GRK3: variants seen among roughly 807,000 people sequenced by gnomAD.
GRK3 encodes adrenergic, beta, receptor kinase 2.
GRK3 carries 54 observed loss-of-function variants against 95.7 expected under a neutral mutation model. That is an observed-to-expected ratio of 0.56 (90% CI 0.45 to 0.71). The LOEUF (loss-of-function observed/expected upper bound fraction) is 0.71, where lower values mean the gene tolerates loss of function less well. Ranked by LOEUF, GRK3 falls within the 30% of genes least tolerant of loss-of-function variation. The pLI, the probability that GRK3 is intolerant of heterozygous loss-of-function variation, is 0.00. For missense variants in GRK3, 649 were observed against 851.2 expected (o/e 0.76, Z 2.96); for synonymous variants, 281 against 290.8 (o/e 0.97, Z 0.34).
At chr22:25,597,789 C>G (rs2084381936) in intron 1 of GRK3, among the ~76,000 whole-genome samples, 1 of 152,110 alleles carries the variant, frequency 6.6e-6, no homozygotes, top group Non-Finnish European at 1.5e-5. Context: ...CTTATATAAC[C>G]TATGCACGCA....
At chr22:25,578,186 A>T (rs1931973015) in intron 1 of GRK3, among the ~76,000 whole-genome samples, 1 of 152,172 alleles carries the variant, frequency 6.6e-6, no homozygotes, top group Non-Finnish European at 1.5e-5. Context: ...CTTTAAAAAA[A>T]TCGAAGAAAC....
chr22:25,614,438 A>G (rs1045315257), intron 2 of GRK3, among the ~76,000 whole-genome samples: 3 of 152,122 alleles, frequency 2.0e-5, no homozygotes, highest in African/African-American at 7.2e-5. Flanking sequence ...TCGGCCATCT[A>G]TTATCTGCTA....
chr22:25,596,204 A>T (rs1456512215), intron 1 of GRK3, among the ~76,000 whole-genome samples: 1 of 152,226 alleles, frequency 6.6e-6, no homozygotes, highest in African/African-American at 2.4e-5. Flanking sequence ...AAGAGTATTC[A>T]TGGGGAAAAA....
chr22:25,588,050 C>T (rs1431464789), intron 1 of GRK3, among the ~76,000 whole-genome samples: 10 of 152,146 alleles, frequency 6.6e-5, no homozygotes, highest in South Asian at 2.1e-4. Context: ...CCACCTGCCT[C>T]GGCCCCTCAA....
chr22:25,698,620 C>T (rs1376535281), intron 13 of GRK3, among the ~76,000 whole-genome samples: 1 of 152,162 alleles, frequency 6.6e-6, no homozygotes, highest in African/African-American at 2.4e-5. Flanking sequence ...GTTGGGTCAG[C>T]ACTGGGAGGA....
At chr22:25,698,229 A>G (rs1437969073) in intron 13 of GRK3, among the ~76,000 whole-genome samples, 1 of 149,228 alleles carries the variant, frequency 6.7e-6, no homozygotes, top group Non-Finnish European at 1.5e-5. Flanking sequence ...AGGAAGGAAG[A>G]AGAGGGAAGA....
At chr22:25,590,894 G>A (rs1932467654) in intron 1 of GRK3, among the ~76,000 whole-genome samples, 1 of 152,190 alleles carries the variant, frequency 6.6e-6, no homozygotes, top group Non-Finnish European at 1.5e-5. Flanking sequence ...GCACAGTTTG[G>A]TGAGTTTATC....
intron 9 of GRK3, among the ~76,000 whole-genome samples, chr22:25,683,714 G>T (rs1417482365): frequency 6.6e-6 from 1 of 151,916 alleles, no homozygotes; most frequent in Non-Finnish European, 1.5e-5. Context: ...TTTTTCTGGG[G>T]GTTGGTTGAC....
intron 15 of GRK3, among the ~76,000 whole-genome samples, chr22:25,707,131 G>C (rs1414722638): frequency 2.0e-5 from 3 of 152,114 alleles, no homozygotes; most frequent in African/African-American, 7.2e-5. Flanking sequence ...CCTGTGGTGG[G>C]TTTATATCTC....
At chr22:25,655,749 C>G (rs891528725) in intron 3 of GRK3, among the ~76,000 whole-genome samples, 1 of 152,164 alleles carries the variant, frequency 6.6e-6, no homozygotes, top group African/African-American at 2.4e-5. Context: ...CTTACAAATG[C>G]AGACACTGTC....
intron 1 of GRK3, 21 bp downstream of exon 1, chr22:25,565,174 C>A: frequency 7.1e-7 from 1 of 1,404,476 alleles, no homozygotes; most frequent in Non-Finnish European, 9.5e-7. Flanking sequence ...CCCCGGCCGG[C>A]GCCGGCCCCA....
chr22:25,702,326 G>A (rs976848202), intron 13 of GRK3, among the ~76,000 whole-genome samples: 1 of 152,218 alleles, frequency 6.6e-6, no homozygotes, highest in African/African-American at 2.4e-5. Flanking sequence ...TGCAAGATAA[G>A]TGGCATTTTA....
At chr22:25,673,429 T>G (rs1428493597) in intron 7 of GRK3, among the ~76,000 whole-genome samples, 1 of 152,074 alleles carries the variant, frequency 6.6e-6, no homozygotes, top group Non-Finnish European at 1.5e-5. Flanking sequence ...ATTTTTTTTT[T>G]TTTCAATTTC....
At position 25,728,411 on chromosome 22, in the gene GRK3, C is replaced by T. The variant is rs2085491102; in HGVS notation, c.*5961C>T. ...TCTGTAAGACTTTGCAGTGTCATTC[C>T]CTCAGAACCTAGGTTTGTTTCTAAA... On this transcript the variant is annotated 3_prime_UTR_variant, in exon 21 of 21. Coordinates refer to ENST00000324198, the MANE Select transcript of GRK3 (RefSeq NM_005160.4). 6.6e-6 allele frequency: 1 copy of T among 152,200 alleles called. No homozygotes were observed. The highest frequency in any genetic ancestry group is 2.4e-5 in the African/African-American group (1 of 41,446). The allele number at this position is 152,200 out of a possible 1,614,324, so 9.4% of individuals were successfully genotyped here. A position where few individuals can be genotyped will look rare whatever the true frequency, so the allele number is the denominator to read the frequency against.
chr22:25,711,093 G>A lies in GRK3; in HGVS notation c.1421G>A (p.Arg474Gln), dbSNP rs761438308. 3.1e-6 allele frequency: 5 copies of A among 1,613,468 alleles called. No homozygotes were observed. Among genetic ancestry groups the A allele is most frequent in the Admixed American group, 1.7e-5 (1 of 59,848 alleles). The part of the protein sequence containing the change: ...QKYPPPLIPP[R>Q]GEVNAADAFD... ...TACCCACCACCCTTGATTCCTCCCC[G>A]GGGAGAAGTCAATGCTGCTGATGCC... The change falls in exon 17 of 21, where the codon CGG becomes CAG. Residue 474 changes from arginine (R) to glutamine (Q), a missense_variant. By Grantham distance (43) the Arg-to-Gln change is conservative. Around this residue, in one of 3 missense-constraint regions of GRK3, gnomAD observed 382 missense variants for 493.8 expected, o/e 0.77. Coordinates refer to ENST00000324198, the MANE Select transcript of GRK3 (RefSeq NM_005160.4).
At chr22:25,593,829 C>G (rs1932580247) in intron 1 of GRK3, among the ~76,000 whole-genome samples, 1 of 152,092 alleles carries the variant, frequency 6.6e-6, no homozygotes. Flanking sequence ...ATATGGCTAG[C>G]CAGCTATCCC....
chr22:25,712,284 T>A (rs896485459), intron 17 of GRK3, among the ~76,000 whole-genome samples: 1 of 152,208 alleles, frequency 6.6e-6, no homozygotes, highest in Non-Finnish European at 1.5e-5. Flanking sequence ...CCTTCTGTGG[T>A]CTGGAGCAGT....
chr22:25,708,028 G>A (rs1601542049), intron 15 of GRK3, among the ~76,000 whole-genome samples: 1 of 152,090 alleles, frequency 6.6e-6, no homozygotes, highest in African/African-American at 2.4e-5. Flanking sequence ...ACAAGGTCAG[G>A]AGTTTGCGAC....
chr22:25,716,497 A>G (rs1015368158), intron 18 of GRK3, among the ~76,000 whole-genome samples: 6 of 152,206 alleles, frequency 3.9e-5, no homozygotes, highest in African/African-American at 1.4e-4. Flanking sequence ...GTAATTAGAA[A>G]GTTTAGCAAA....
Sources: allele counts gnomAD v4.1 joint callset (sites outside exome capture counted in the v4.1 genomes callset), GRCh38; gene constraint gnomAD v4.1.1; regional missense constraint gnomAD v4.1.1; transcripts MANE v1.5; gene names NCBI Gene and HGNC (gene_info 2026-07-23, HGNC 2026-07-21).